KPNA3: variants seen among roughly 807,000 people sequenced by gnomAD.
KPNA3 encodes importin subunit alpha-4.
KPNA3 carries 13 observed loss-of-function variants against 73.8 expected under a neutral mutation model. The observed-to-expected ratio is 0.18, with a 90% confidence interval of 0.11 to 0.28. KPNA3 has a LOEUF of 0.28. Ranked by LOEUF, KPNA3 falls within the 10% of genes least tolerant of loss-of-function variation. The probability of loss-of-function intolerance (pLI) is 1.00; values close to 1 mark genes in which losing one functional copy is unlikely to be tolerated. For missense variants in KPNA3, 360 were observed against 618.1 expected (o/e 0.58, Z 4.43); for synonymous variants, 186 against 206.9 (o/e 0.90, Z 0.87).
At chr13:49,763,224 C>T (rs1954782992) in intron 1 of KPNA3, among the ~76,000 whole-genome samples, 1 of 152,036 alleles carries the variant, frequency 6.6e-6, no homozygotes, top group African/African-American at 2.4e-5. Context: ...AAACAGAACT[C>T]TGAGATATGA....
intron 15 of KPNA3, among the ~76,000 whole-genome samples, chr13:49,704,295 T>C (rs947963670): frequency 6.6e-6 from 1 of 151,748 alleles, no homozygotes; most frequent in Non-Finnish European, 1.5e-5. Flanking sequence ...TGGTGGTGCA[T>C]GCCTATAATC....
chr13:49,732,710 A>T, intron 4 of KPNA3, 37 bp downstream of exon 4: 2 of 1,591,480 alleles, frequency 1.3e-6, no homozygotes, highest in South Asian at 2.3e-5. Context: ...TCAATTTCAA[A>T]ATACTTCAAA....
chr13:49,759,631 C>T (rs1288098109), intron 1 of KPNA3, among the ~76,000 whole-genome samples: 1 of 152,132 alleles, frequency 6.6e-6, no homozygotes, highest in African/African-American at 2.4e-5. Flanking sequence ...GAACATGCAC[C>T]TAGATCACTC....
At chr13:49,773,273 T>G (rs1280554143) in intron 1 of KPNA3, among the ~76,000 whole-genome samples, 1 of 152,222 alleles carries the variant, frequency 6.6e-6, no homozygotes, top group Admixed American at 6.5e-5. Context: ...AATATTTACA[T>G]TTTGATTGCA....
At chr13:49,745,578 G>C (rs958073102) in intron 2 of KPNA3, among the ~76,000 whole-genome samples, 2 of 151,566 alleles carry the variant, frequency 1.3e-5, no homozygotes, top group African/African-American at 4.8e-5. Flanking sequence ...GGCTGGTCTC[G>C]AACTCTTGAC....
chr13:49,736,544 A>G (rs903902869), intron 2 of KPNA3, among the ~76,000 whole-genome samples: 7 of 152,204 alleles, frequency 4.6e-5, no homozygotes, highest in African/African-American at 9.6e-5. Context: ...ACATGCAGTT[A>G]TAAGAATATG....
At chr13:49,767,057 C>T (rs1057272563) in intron 1 of KPNA3, among the ~76,000 whole-genome samples, 1 of 142,414 alleles carries the variant, frequency 7.0e-6, no homozygotes, top group Non-Finnish European at 1.5e-5. Flanking sequence ...TAGGACTAAA[C>T]ACAGGACATT....
At chr13:49,724,386 C>G (rs1299554945) in intron 7 of KPNA3, among the ~76,000 whole-genome samples, 1 of 151,858 alleles carries the variant, frequency 6.6e-6, no homozygotes, top group Admixed American at 6.6e-5. Context: ...TCACTGCAAG[C>G]TCCGCCTCCC....
Position 49,710,777 on chromosome 13 carries a change from AG to A in KPNA3, c.903+113del, listed in dbSNP as rs796713651. 3.1e-5 allele frequency: 29 copies of A among 937,442 alleles called. No individual in the cohort carries two copies. In the African/African-American group the frequency reaches 4.5e-4, roughly 14 times the overall value. The allele number at this position is 937,442 out of a possible 1,614,324, so 58.1% of individuals were successfully genotyped here. On this transcript the variant is annotated intron_variant, in intron 11 of 16. Transcript: ENST00000261667. ...AACAAAATCAGGCTCAGGGACTAGC[AG>A]AAGAAATGTGGAAGATAAGCACTTA...
chr13:49,785,924 T>C (rs892357442), intron 1 of KPNA3, among the ~76,000 whole-genome samples: 1 of 152,214 alleles, frequency 6.6e-6, no homozygotes, highest in Non-Finnish European at 1.5e-5. Context: ...GCATGGCCAA[T>C]ATGCATACTC....
chr13:49,732,915 TA>T (rs1954483427), intron 3 of KPNA3, 41 bp downstream of exon 3: 3 of 1,441,414 alleles, frequency 2.1e-6, no homozygotes, highest in African/African-American at 1.4e-5. Context: ...ACAGTTACTA[TA>T]AAAATTATTT....
At chr13:49,723,828 C>T (rs562957018) in intron 7 of KPNA3, among the ~76,000 whole-genome samples, 4 of 150,450 alleles carry the variant, frequency 2.7e-5, no homozygotes, top group African/African-American at 9.8e-5. Flanking sequence ...TGAGATCACG[C>T]CACTGCACTC....
intron 2 of KPNA3, among the ~76,000 whole-genome samples, chr13:49,746,587 A>G (rs1954619226): frequency 6.6e-6 from 1 of 152,242 alleles, no homozygotes; most frequent in Non-Finnish European, 1.5e-5. Flanking sequence ...TTCAGTTGGG[A>G]AAACACAAGG....
chr13:49,706,820 C>A (rs573687553), intron 12 of KPNA3, among the ~76,000 whole-genome samples: 1 of 151,824 alleles, frequency 6.6e-6, no homozygotes, highest in Non-Finnish European at 1.5e-5. Context: ...GTGATCTCGG[C>A]TCACTGCAAG....
intron 1 of KPNA3, among the ~76,000 whole-genome samples, chr13:49,784,530 A>G (rs989271427): frequency 6.6e-6 from 1 of 152,250 alleles, no homozygotes; most frequent in Non-Finnish European, 1.5e-5. Context: ...GTATTCATCT[A>G]TAGATGAATG....
chr13:49,783,296 A>G (rs1954955949), intron 1 of KPNA3, among the ~76,000 whole-genome samples: 2 of 152,192 alleles, frequency 1.3e-5, no homozygotes, highest in South Asian at 4.1e-4. Context: ...TTATTTTACC[A>G]TATTTTAACT....
At chr13:49,730,940 C>T (rs1954462243) in intron 6 of KPNA3, among the ~76,000 whole-genome samples, 1 of 151,532 alleles carries the variant, frequency 6.6e-6, no homozygotes, top group African/African-American at 2.4e-5. Context: ...CCACGCCCGG[C>T]TGATTTTTTT....
chr13:49,747,020 A>G (rs781576948), intron 1 of KPNA3, 27 bp from the exon 2 acceptor site: 3 of 1,547,660 alleles, frequency 1.9e-6, no homozygotes, highest in Non-Finnish European at 1.8e-6. Flanking sequence ...AAGATTACAG[A>G]TGTATCAAAA....
intron 1 of KPNA3, among the ~76,000 whole-genome samples, chr13:49,761,173 T>C (rs1480931622): frequency 1.3e-5 from 2 of 152,150 alleles, no homozygotes; most frequent in Admixed American, 6.5e-5. Flanking sequence ...GCAGTGCTGA[T>C]GTCATATAAG....
Sources: gnomAD v4.1 joint callset for allele counts (sites outside exome capture counted in the v4.1 genomes callset) on GRCh38, gnomAD v4.1.1 for gene constraint, MANE v1.5 for transcripts, NCBI Gene and HGNC (gene_info 2026-07-23, HGNC 2026-07-21) for gene names.